DMD: variants seen among roughly 807,000 people sequenced by gnomAD.
DMD encodes the protein mutant dystrophin.
In DMD, 63 loss-of-function variants were observed where a neutral mutation model predicts 330.1. The observed-to-expected ratio is 0.19, with a 90% CI of 0.16 to 0.24. The LOEUF is 0.24. Ranked by LOEUF, DMD falls within the 10% of genes least tolerant of loss-of-function variation. The pLI is 1.00. For synonymous variants in DMD, 1,223 were observed against 959.8 expected (o/e 1.27, Z -5.07); for missense variants, 3,344 against 2,684.1 (o/e 1.25, Z -5.43).
intron 50 of DMD, among the ~76,000 whole-genome samples, chrX:31,787,877 T>C (rs1451004177): frequency 9.0e-6 from 1 of 111,530 alleles, no homozygotes; most frequent in African/African-American, 3.3e-5. Flanking sequence ...ACAAAAGAGA[T>C]CAAAATCAAG....
At chrX:32,857,436 T>C (rs890052658) in intron 2 of DMD, among the ~76,000 whole-genome samples, 1 of 112,170 alleles carries the variant, frequency 8.9e-6, no homozygotes, top group African/African-American at 3.2e-5. Context: ...TGAATGAAGG[T>C]ATACAATGCC....
At chrX:32,734,636 G>A (rs1245324921) in intron 7 of DMD, among the ~76,000 whole-genome samples, 1 of 107,031 alleles carries the variant, frequency 9.3e-6, no homozygotes, top group Non-Finnish European at 1.9e-5. Flanking sequence ...ATGTAATCCA[G>A]CATATAAACA....
chrX:31,480,975 G>T (rs1483197209), intron 57 of DMD, among the ~76,000 whole-genome samples: 1 of 112,019 alleles, frequency 8.9e-6, no homozygotes, highest in Non-Finnish European at 1.9e-5. Flanking sequence ...GCATGAACAT[G>T]ACTTATTCAA....
In DMD at chrX:32,815,514, T is replaced by TACACACACACACAC. The variant is rs761584148; in HGVS notation, c.530+953_530+954insGTGTGTGTGTGTGT. ...ACAAGCATATATATATATATATATA[T>TACACACACACACAC]ATATATACACACACACACACACATA... is the stretch of plus-strand genomic sequence containing the variant. On this transcript the variant is annotated intron_variant, in intron 6 of 78. Transcript: ENST00000357033. Among the ~76,000 whole-genome samples the TACACACACACACAC allele has an allele frequency of 3.7e-3, 234 of 62,925 alleles. 2 individuals are homozygous for TACACACACACACAC. Among genetic ancestry groups the TACACACACACACAC allele is most frequent in the African/African-American group, 0.014 (210 of 15,392 alleles). 54.6% of individuals were successfully genotyped at this position (62,925 alleles called of 115,157 possible).
intron 77 of DMD, among the ~76,000 whole-genome samples, chrX:31,133,378 A>G (rs749977395): frequency 8.9e-6 from 1 of 111,823 alleles, no homozygotes; most frequent in South Asian, 3.8e-4. Flanking sequence ...GCCCCCAGAA[A>G]CGAACAGTAG....
intron 63 of DMD, among the ~76,000 whole-genome samples, chrX:31,236,438 A>C (rs929935935): frequency 1.8e-5 from 2 of 112,603 alleles, no homozygotes; most frequent in African/African-American, 6.5e-5. Context: ...GCGGTGGAGA[A>C]ATGACGTGAG....
chrX:31,571,779 C>T (rs973852363), intron 55 of DMD, among the ~76,000 whole-genome samples: 4 of 111,543 alleles, frequency 3.6e-5, no homozygotes, highest in Non-Finnish European at 5.6e-5. Context: ...TCCCTGGCCT[C>T]TGCCCACTTG....
rs2077187119 is a variant in DMD at position 32,809,482 on chromosome X, A to G, written c.649+11T>C. Reference sequence around the variant, plus strand: ...ATACTAAAAGCAGTGGTAGTCCAGAAATTTACCAACCTTCAGGATCGAGTA... The same window carrying G: ...ATACTAAAAGCAGTGGTAGTCCAGAGATTTACCAACCTTCAGGATCGAGTA... On this transcript the variant is annotated intron_variant, in intron 7 of 78. Coordinates refer to ENST00000357033, the MANE Select transcript of DMD (RefSeq NM_004006.3). The G allele has an allele frequency of 8.4e-7, 1 of 1,195,578 alleles. No homozygotes were observed. Among genetic ancestry groups the G allele is most frequent in the Non-Finnish European group, 1.1e-6 (1 of 881,056 alleles).
intron 1 of DMD, among the ~76,000 whole-genome samples, chrX:33,116,453 C>T (rs150428110): frequency 9.1e-6 from 1 of 110,397 alleles, no homozygotes; most frequent in Non-Finnish European, 1.9e-5. Flanking sequence ...AGGGTTCAGT[C>T]AGCCATGATC....
intron 43 of DMD, among the ~76,000 whole-genome samples, chrX:32,234,475 A>C (rs2097180395): frequency 8.9e-6 from 1 of 112,001 alleles, no homozygotes; most frequent in East Asian, 2.8e-4. Context: ...TAAAAAAAAA[A>C]TACACCAGAG....
intron 44 of DMD, among the ~76,000 whole-genome samples, chrX:32,052,361 A>T (rs1298749426): frequency 9.0e-6 from 1 of 111,293 alleles, no homozygotes; most frequent in African/African-American, 3.3e-5. Flanking sequence ...TTCAAAAAGT[A>T]TAGTTTCTTT....
intron 1 of DMD, among the ~76,000 whole-genome samples, chrX:33,042,560 A>G: frequency 8.9e-6 from 1 of 112,347 alleles, no homozygotes; most frequent in African/African-American, 3.2e-5. Flanking sequence ...ACAAACGTGA[A>G]TGTCATTGAA....
intron 44 of DMD, among the ~76,000 whole-genome samples, chrX:32,214,367 G>C (rs1346890589): frequency 9.0e-6 from 1 of 111,543 alleles, no homozygotes; most frequent in Non-Finnish European, 1.9e-5. Flanking sequence ...GCCCAAGGCT[G>C]ACTAGTGATC....
At chrX:33,272,913 TA>T (rs1339587332) in intron 1 of DMD, among the ~76,000 whole-genome samples, 4 of 110,743 alleles carry the variant, frequency 3.6e-5, no homozygotes, top group East Asian at 5.6e-4. Flanking sequence ...TAAAATAATT[TA>T]AAAAAAAACA....
chrX:32,718,533 G>A (rs73621823), intron 7 of DMD, among the ~76,000 whole-genome samples: 3,151 of 111,313 alleles, frequency 0.028, 111 homozygotes, highest in African/African-American at 0.096. Context: ...ATGTGAGAAC[G>A]GACTAATACA....
At chrX:31,712,975 A>C (rs1476636021) in intron 52 of DMD, among the ~76,000 whole-genome samples, 2 of 111,457 alleles carry the variant, frequency 1.8e-5, no homozygotes, top group African/African-American at 6.5e-5. Context: ...GGAAGTGGAC[A>C]GGTCCTTTAC....
chrX:32,010,943 T>C (rs1009958457), intron 44 of DMD, among the ~76,000 whole-genome samples: 4 of 112,182 alleles, frequency 3.6e-5, no homozygotes, highest in African/African-American at 1.3e-4. Context: ...TCTGGTTTTG[T>C]ACATGTTGGC....
chrX:31,373,875 G>A lies in DMD; in HGVS notation c.9085-25241C>T, dbSNP rs749749009. Among the ~76,000 whole-genome samples the A allele has an allele frequency of 6.4e-5, 7 of 109,292 alleles. No homozygotes were observed. The East Asian group carries it at 1.8e-3, about 27-fold the overall frequency. The allele number at this position is 109,292 out of a possible 115,157, so 94.9% of individuals were successfully genotyped here. ...CAGCAAAAGAAACTACCATCAGAGTGAACAGGCAACCTACAAAATGGGAGA... is the reference window on the plus strand; with the variant it reads ...CAGCAAAAGAAACTACCATCAGAGTAAACAGGCAACCTACAAAATGGGAGA... On this transcript the variant is annotated intron_variant, in intron 60 of 78. Transcript: ENST00000357033.
chrX:32,107,834 C>A (rs2096571937), intron 44 of DMD, among the ~76,000 whole-genome samples: 1 of 111,144 alleles, frequency 9.0e-6, no homozygotes, highest in African/African-American at 3.3e-5. Context: ...CAAAATTAAC[C>A]ATTACGGGCA....
Sources: allele counts gnomAD v4.1 joint callset (sites outside exome capture counted in the v4.1 genomes callset), GRCh38; gene constraint gnomAD v4.1.1; transcripts MANE v1.5; gene names NCBI Gene and HGNC (gene_info 2026-07-23, HGNC 2026-07-21).